ZNF534: variants seen among roughly 807,000 people sequenced by gnomAD.
ZNF534 encodes the protein zinc finger protein 534, also known as KRAB domain only 3.
Under a neutral mutation model 13.6 loss-of-function variants are expected in ZNF534, and 19 were observed. That is an observed-to-expected ratio of 1.40 (90% CI 0.97 to 2.05). The LOEUF is 2.05. Among genes scored for constraint, ZNF534 ranks in the 30% most tolerant of loss-of-function variants. The pLI is 0.00. For synonymous variants in ZNF534, 244 were observed against 273.8 expected, an observed-to-expected ratio of 0.89 and a Z score of 1.07; for missense variants, 782 against 796.3, an observed-to-expected ratio of 0.98 and a Z score of 0.22.
chr19:52,435,310 C>T (rs2059121964), intron 4 of ZNF534, 101 bp downstream of exon 4: 2 of 1,335,576 alleles, frequency 1.5e-6, no homozygotes, highest in Non-Finnish European at 2.0e-6. Context: ...AATCATAGCT[C>T]ACAGCAGCCT....
In ZNF534 at chr19:52,440,361, A is replaced by T. The variant is rs2059164243; in HGVS notation, c.*915A>T. 6.6e-6 allele frequency among the ~76,000 whole-genome samples: 1 copy of T among 152,238 alleles called. No homozygotes were observed. Among genetic ancestry groups the T allele is most frequent in the African/African-American group, 2.4e-5 (1 of 41,460 alleles). The stretch of plus-strand genomic sequence containing the variant: ...ATACTGGAGAGAAACCTTACAAATG[A>T]ATGACAGCATCTTCAAATAAAATGC... On this transcript the variant is annotated 3_prime_UTR_variant, in exon 5 of 5. Coordinates refer to ENST00000433050, the MANE Select transcript of ZNF534 (RefSeq NM_001143938.3).
chr19:52,436,097 T>C (rs996426965), intron 4 of ZNF534, among the ~76,000 whole-genome samples: 1 of 151,826 alleles, frequency 6.6e-6, no homozygotes, highest in Admixed American at 6.6e-5. Flanking sequence ...CCACCATGCC[T>C]GGCTAATTTT....
intron 1 of ZNF534, among the ~76,000 whole-genome samples, chr19:52,430,443 G>A (rs946174739): frequency 1.3e-5 from 2 of 152,156 alleles, no homozygotes; most frequent in African/African-American, 2.4e-5. Context: ...AGTGCACATC[G>A]ATAAAAGGAT....
chr19:52,449,251 G>A (rs925146379), intron 4 of ZNF534, among the ~76,000 whole-genome samples: 15 of 152,098 alleles, frequency 9.9e-5, no homozygotes, highest in African/African-American at 3.1e-4. Flanking sequence ...CCATTTGTTC[G>A]TGATGAAAAT....
In ZNF534 at chr19:52,437,804, T is replaced by A. The variant is rs570898614; in HGVS notation, c.344T>A (p.Leu115Ter). The A allele has an allele frequency of 6.2e-7, 1 of 1,612,554 alleles. No homozygotes were observed. The highest frequency in any genetic ancestry group is 1.1e-5 in the South Asian group (1 of 90,756). Reference sequence around the variant, plus strand: ...AATCAACATGGATTAACTCTTCAGTTACATCTGACTGAATGGCAGCCATTT... The same window carrying A: ...AATCAACATGGATTAACTCTTCAGTAACATCTGACTGAATGGCAGCCATTT... ...LKNQHGLTLQ[L>*]HLTEWQPFQA... is the part of the protein sequence containing the mutation. The change falls in exon 5 of 5, where the codon TTA becomes TAA. Residue 115 changes from leucine (L) to a stop codon, truncating the protein, a stop_gained. Coordinates refer to ENST00000433050, the MANE Select transcript of ZNF534 (RefSeq NM_001143938.3). LOFTEE classifies it low-confidence loss of function (END_TRUNC).
rs551051845 is a variant in ZNF534 at position 52,450,749 on chromosome 19, C to T, written c.272-438C>T. On this transcript the variant is annotated intron_variant, in intron 4 of 4. Coordinates refer to the ZNF534 transcript ENST00000301085. ...TTGCCCAGGTTGGAGTGCAGTAGTGCGATTTCAGCTCACTGCAACCTCTGC... is the reference window on the plus strand; with the variant it reads ...TTGCCCAGGTTGGAGTGCAGTAGTGTGATTTCAGCTCACTGCAACCTCTGC... 1.5e-4 allele frequency among the ~76,000 whole-genome samples: 19 copies of T among 129,082 alleles called. No individual in the cohort carries two copies. The East Asian group carries it at 3.3e-3, about 22-fold the overall frequency. 84.7% of individuals were successfully genotyped at this position (129,082 alleles called of 152,430 possible). A position where few individuals can be genotyped will look rare whatever the true frequency, so the allele number is the denominator to read the frequency against.
At position 52,435,223 on chromosome 19, in the gene ZNF534, TG is replaced by T. The variant is rs775707609; in HGVS notation, c.271+17del. ...GTGTGAACACAGGTGAGAGCTCAGG[TG>T]GGCAGAGTGGAGGCCCCATAATTTT... On this transcript the variant is annotated intron_variant, in intron 4 of 4. Transcript: ENST00000433050. The T allele has an allele frequency of 1.3e-6, 2 of 1,598,212 alleles. No individual in the cohort carries two copies. The highest frequency in any genetic ancestry group is 2.7e-5 in the African/African-American group (2 of 74,078).
Position 52,442,218 on chromosome 19 carries a change from A to G in ZNF534, c.*2772A>G, listed in dbSNP as rs1384066954. Among the ~76,000 whole-genome samples the G allele has an allele frequency of 1.3e-5, 2 of 152,224 alleles. No homozygotes were observed. Among genetic ancestry groups the G allele is most frequent in the Non-Finnish European group, 2.9e-5 (2 of 68,036 alleles). On this transcript the variant is annotated 3_prime_UTR_variant, in exon 5 of 5. Coordinates refer to ENST00000433050, the MANE Select transcript of ZNF534 (RefSeq NM_001143938.3). ...AACAAAATCTCTGTAGGACTGTGAC[A>G]TGTTCTTGATGGGCATGACACCCAT... is the stretch of plus-strand genomic sequence containing the variant.
At chr19:52,450,685 G>GTTTTTT (rs2059210909) in intron 4 of ZNF534, among the ~76,000 whole-genome samples, 1 of 11,468 alleles carries the variant, frequency 8.7e-5, no homozygotes, top group Non-Finnish European at 1.7e-4. Flanking sequence ...TTTTTTTTTT[G>GTTTTTT]TTTTTGTTTT....
downstream of ZNF534, among the ~76,000 whole-genome samples, chr19:52,446,584 G>A (rs923364096): frequency 3.3e-5 from 5 of 152,154 alleles, no homozygotes; most frequent in Admixed American, 3.3e-4. Flanking sequence ...TTGGCTGAGT[G>A]TGGTGGCTCG....
chr19:52,437,090 C>G (rs941365083), intron 4 of ZNF534, among the ~76,000 whole-genome samples: 10 of 152,086 alleles, frequency 6.6e-5, no homozygotes, highest in African/African-American at 2.4e-4. Context: ...TGTATCTTTC[C>G]TGACTTTGTG....
exon 5 of ZNF534, chr19:52,451,230 A>C: frequency 2.8e-6 from 2 of 724,018 alleles, no homozygotes; most frequent in Non-Finnish European, 5.1e-6. Context: ...TCAGGGTGGA[A>C]GCCTGGCGCG....
chr19:52,445,661 G>A (rs1052192095), downstream of ZNF534, among the ~76,000 whole-genome samples: 5 of 152,156 alleles, frequency 3.3e-5, no homozygotes, highest in East Asian at 1.9e-4. Context: ...TGGGTCCTGC[G>A]GGAGCAAGAG....
downstream of ZNF534, among the ~76,000 whole-genome samples, chr19:52,444,505 A>G (rs977901193): frequency 1.3e-5 from 2 of 152,092 alleles, no homozygotes; most frequent in African/African-American, 2.4e-5. Flanking sequence ...TGCTTTCAAG[A>G]GAGCATCAGC....
intron 2 of ZNF534, 187 bp from the exon 3 acceptor site, chr19:52,433,768 C>T: frequency 1.4e-6 from 1 of 693,600 alleles, no homozygotes; most frequent in South Asian, 1.5e-5. Flanking sequence ...TAAAGAATGT[C>T]ATCACTCCTT....
intron 2 of ZNF534, among the ~76,000 whole-genome samples, chr19:52,433,236 CAAAAA>C (rs1171627054): frequency 3.1e-5 from 2 of 64,618 alleles, no homozygotes; most frequent in East Asian, 5.2e-4. Context: ...GATCCTATCT[CAAAAA>C]AAAAAAAAAA....
rs1410051580 is a variant in ZNF534 at position 52,434,137 on chromosome 19, T to C, written c.142+56T>C. On this transcript the variant is annotated intron_variant, in intron 3 of 4. Coordinates refer to ENST00000433050, the MANE Select transcript of ZNF534 (RefSeq NM_001143938.3). ...TCTGCTCTGGTATATCTTTTTGCAT[T>C]TTCTCTTGTGTGTCTCTCGGGAGCC... 11 of 1,579,214 alleles carry C rather than the reference T, an allele frequency of 7.0e-6. 1 individual carries two copies. The highest frequency in any genetic ancestry group is 9.4e-6 in the Non-Finnish European group (11 of 1,166,004).
intron 2 of ZNF534, 46 bp downstream of exon 2, chr19:52,431,535 G>C: frequency 6.2e-7 from 1 of 1,612,504 alleles, no homozygotes; most frequent in Non-Finnish European, 8.5e-7. Flanking sequence ...GTTTCTTCCT[G>C]AAATGCCAGG....
chr19:52,435,092 C>T lies in ZNF534; in HGVS notation c.154C>T (p.Pro52Ser). The part of the protein sequence containing the change: ...RNLVSLGICL[P>S]DLSVTSMLEQ... The stretch of plus-strand genomic sequence containing the variant: ...CTTTTTGTAAGTAGGAATCTGTCTT[C>T]CTGACCTGAGTGTTACCTCCATGTT... The change falls in exon 4 of 5, where the codon CCT becomes TCT. Residue 52 changes from proline to serine, a missense_variant. Pro to Ser is a moderately conservative substitution (Grantham distance 74). Around this residue, in one of 5 missense-constraint regions of ZNF534, gnomAD observed 81 missense variants for 63.5 expected, o/e 1.28. Transcript: ENST00000433050. The T allele has an allele frequency of 1.9e-6, 3 of 1,612,482 alleles. No individual in the cohort carries two copies. The highest frequency in any genetic ancestry group is 2.5e-6 in the Non-Finnish European group (3 of 1,179,096).
Sources: allele counts gnomAD v4.1 joint callset (sites outside exome capture counted in the v4.1 genomes callset), GRCh38; gene constraint gnomAD v4.1.1; regional missense constraint gnomAD v4.1.1; transcripts MANE v1.5; gene names NCBI Gene and HGNC (gene_info 2026-07-23, HGNC 2026-07-21).